CA8: variants seen among roughly 807,000 people sequenced by gnomAD.
CA8 encodes carbonic anhydrase-related protein.
In CA8, 22 loss-of-function variants were observed where a neutral mutation model predicts 41.4. The observed-to-expected ratio is 0.53, with a 90% CI of 0.38 to 0.76. CA8 has a LOEUF of 0.76. CA8 is among the 30% of genes least tolerant of loss of function. The probability of loss-of-function intolerance (pLI) is 0.00; values close to 1 mark genes in which losing one functional copy is unlikely to be tolerated. For synonymous variants in CA8, 121 were observed against 130.6 expected, an observed-to-expected ratio of 0.93 and a Z score of 0.50; for missense variants, 270 against 352.8, an observed-to-expected ratio of 0.77 and a Z score of 1.88.
Position 60,279,721 on chromosome 8 carries a change from T to C in CA8, c.260A>G (p.His87Arg). ...TGACTTCAGGATAACCTGAATGGTA[T>C]GTCCATCATTGGTGACTTCACAGTC... ...CRDCEVTNDG[H>R]TIQVILKSKS... is the part of the protein sequence containing the mutation. Residue 87 changes from histidine to arginine, a missense_variant, in exon 2 of 9, where the codon CAT (histidine) becomes CGT (arginine). Physicochemically the swap from His to Arg is conservative, Grantham distance 29 (BLOSUM62 0). Around this residue, in one of 3 missense-constraint regions of CA8, gnomAD observed 123 missense variants for 136.8 expected, o/e 0.90. Coordinates refer to ENST00000317995, the MANE Select transcript of CA8 (RefSeq NM_004056.6). 1.9e-6 allele frequency: 3 copies of C among 1,614,210 alleles called. No homozygotes were observed. Among genetic ancestry groups the C allele is most frequent in the Non-Finnish European group, 2.5e-6 (3 of 1,180,042 alleles).
chr8:60,274,816 A>AT (rs1231153588), intron 2 of CA8, among the ~76,000 whole-genome samples: 1 of 152,204 alleles, frequency 6.6e-6, no homozygotes, highest in Non-Finnish European at 1.5e-5. Flanking sequence ...ACTCCACAGT[A>AT]TTTTATTATA....
intron 2 of CA8, among the ~76,000 whole-genome samples, chr8:60,278,937 A>G (rs1563389065): frequency 6.6e-6 from 1 of 152,220 alleles, no homozygotes; most frequent in East Asian, 1.9e-4. Flanking sequence ...GACAGTTATT[A>G]TTCACTATGA....
At chr8:60,212,609 G>C (rs1806875486) in intron 7 of CA8, among the ~76,000 whole-genome samples, 1 of 152,204 alleles carries the variant, frequency 6.6e-6, no homozygotes, top group African/African-American at 2.4e-5. Flanking sequence ...CTTAGAAGCA[G>C]AGAGAAGAAT....
intron 3 of CA8, among the ~76,000 whole-genome samples, chr8:60,255,908 A>ATTGT (rs1554524864): frequency 7.0e-6 from 1 of 143,344 alleles, no homozygotes; most frequent in Non-Finnish European, 1.5e-5. Context: ...TACGCTATTA[A>ATTGT]TTTTTTTTTT....
intron 3 of CA8, among the ~76,000 whole-genome samples, chr8:60,254,265 A>G (rs999678080): frequency 6.6e-6 from 1 of 152,162 alleles, no homozygotes; most frequent in South Asian, 2.1e-4. Context: ...TCCCTCCCTA[A>G]CAGACTCAAA....
At chr8:60,221,702 G>A (rs1479498605) in intron 7 of CA8, among the ~76,000 whole-genome samples, 2 of 152,192 alleles carry the variant, frequency 1.3e-5, no homozygotes, top group African/African-American at 4.8e-5. Context: ...TGAAGGGTAT[G>A]GGGAGGAGAG....
chr8:60,207,722 C>A (rs1228202068), intron 8 of CA8, among the ~76,000 whole-genome samples: 2 of 152,178 alleles, frequency 1.3e-5, no homozygotes, highest in Non-Finnish European at 2.9e-5. Context: ...GCATCTATCA[C>A]CCTGGCTACC....
rs1805988798 is a variant in CA8, at chr8:60,187,190, T to A, written c.*2831A>T. Among the ~76,000 whole-genome samples the A allele has an allele frequency of 1.3e-5, 2 of 152,002 alleles. No homozygotes were observed. Among genetic ancestry groups the A allele is most frequent in the Non-Finnish European group, 2.9e-5 (2 of 67,922 alleles). ...AATAACAAATTTGGGAATTCATAAA[T>A]ATGTGGAAATTAAACAATGTACTCC... On this transcript the variant is annotated 3_prime_UTR_variant, in exon 9 of 9. Coordinates refer to ENST00000317995, the MANE Select transcript of CA8 (RefSeq NM_004056.6).
At chr8:60,242,446 T>G (rs1389286980) in intron 3 of CA8, among the ~76,000 whole-genome samples, 1 of 152,172 alleles carries the variant, frequency 6.6e-6, no homozygotes, top group Non-Finnish European at 1.5e-5. Context: ...CTCTACCACC[T>G]ATGCCACCTC....
chr8:60,253,707 TGAG>T (rs551846756), intron 3 of CA8, among the ~76,000 whole-genome samples: 15 of 152,154 alleles, frequency 9.9e-5, no homozygotes, highest in Non-Finnish European at 2.1e-4. Context: ...CCACACAGCA[TGAG>T]GAGACCAGCA....
At chr8:60,242,704 CT>C (rs1808076707) in intron 3 of CA8, among the ~76,000 whole-genome samples, 1 of 152,232 alleles carries the variant, frequency 6.6e-6, no homozygotes, top group South Asian at 2.1e-4. Context: ...GGAGACCAGA[CT>C]GTCTATCGTG....
intron 4 of CA8, 37 bp downstream of exon 4, chr8:60,232,247 T>C: frequency 2.1e-6 from 3 of 1,459,826 alleles, no homozygotes; most frequent in Non-Finnish European, 2.9e-6. Context: ...GAAATTAGCA[T>C]CTCTAAACAA....
At chr8:60,259,277 A>G (rs75450019) in intron 3 of CA8, among the ~76,000 whole-genome samples, 16 of 152,268 alleles carry the variant, frequency 1.1e-4, no homozygotes, top group Admixed American at 9.2e-4. Flanking sequence ...TCAGAACCCA[A>G]TTGAAAATAT....
chr8:60,198,491 T>C (rs1008646983), intron 8 of CA8, among the ~76,000 whole-genome samples: 6 of 152,182 alleles, frequency 3.9e-5, no homozygotes, highest in South Asian at 2.1e-4. Context: ...TTAGGATACT[T>C]TGACACTTTC....
At chr8:60,222,564 A>T in intron 7 of CA8, 85 bp downstream of exon 7, 1 of 874,864 alleles carries the variant, frequency 1.1e-6, no homozygotes. Context: ...ACAGGAAGCT[A>T]AAACACAAAA....
chr8:60,191,595 C>T (rs1806132899), intron 8 of CA8, among the ~76,000 whole-genome samples: 1 of 152,126 alleles, frequency 6.6e-6, no homozygotes, highest in Admixed American at 6.6e-5. Context: ...GATATTATTA[C>T]ATCCAGGATT....
chr8:60,275,869 T>C (rs1383200838), intron 2 of CA8, among the ~76,000 whole-genome samples: 4 of 151,486 alleles, frequency 2.6e-5, no homozygotes, highest in Admixed American at 2.0e-4. Flanking sequence ...ATAGAGGGGG[T>C]TGAGAAGCAG....
chr8:60,267,816 A>G (rs892631796), intron 2 of CA8, among the ~76,000 whole-genome samples: 2 of 152,222 alleles, frequency 1.3e-5, no homozygotes, highest in African/African-American at 4.8e-5. Context: ...ATTTCCCAGA[A>G]CAATCTAAAA....
At chr8:60,215,116 A>C (rs1269796157) in intron 7 of CA8, among the ~76,000 whole-genome samples, 1 of 152,190 alleles carries the variant, frequency 6.6e-6, no homozygotes, top group African/African-American at 2.4e-5. Context: ...ATCAATTCTA[A>C]GATTAATATG....
Sources: allele counts gnomAD v4.1 joint callset (sites outside exome capture counted in the v4.1 genomes callset), GRCh38; gene constraint gnomAD v4.1.1; regional missense constraint gnomAD v4.1.1; transcripts MANE v1.5; gene names NCBI Gene and HGNC (gene_info 2026-07-23, HGNC 2026-07-21).